ARHGAP18: variants seen among roughly 807,000 people sequenced by gnomAD.
The protein encoded by ARHGAP18 is rho GTPase-activating protein 18.
A neutral mutation model predicts 86.2 loss-of-function variants in ARHGAP18; 67 were observed. That is an observed-to-expected ratio of 0.78 (90% confidence interval 0.64 to 0.95). ARHGAP18 has a LOEUF of 0.95. ARHGAP18 is among the 40% of genes least tolerant of loss of function. ARHGAP18 has a pLI of 0.00. For synonymous variants in ARHGAP18, 283 were observed against 280.4 expected, an observed-to-expected ratio of 1.01 and a Z score of -0.09; for missense variants, 691 against 780.4, an observed-to-expected ratio of 0.89 and a Z score of 1.37.
chr6:129,691,846 A>C (rs1398122038), intron 1 of ARHGAP18, among the ~76,000 whole-genome samples: 1 of 152,138 alleles, frequency 6.6e-6, no homozygotes, highest in Non-Finnish European at 1.5e-5. Flanking sequence ...GTGCTCCAGG[A>C]AGTGCTATGT....
chr6:129,676,761 C>T (rs903896250), intron 1 of ARHGAP18, among the ~76,000 whole-genome samples: 1 of 152,042 alleles, frequency 6.6e-6, no homozygotes, highest in African/African-American at 2.4e-5. Flanking sequence ...ACCGCTCCAA[C>T]CTGCATTTCC....
intron 1 of ARHGAP18, among the ~76,000 whole-genome samples, chr6:129,661,116 T>C (rs1429049611): frequency 2.0e-5 from 3 of 151,040 alleles, no homozygotes; most frequent in Non-Finnish European, 4.4e-5. Flanking sequence ...CTCGTATTAA[T>C]GTTCCTTAAT....
At chr6:129,668,014 T>C (rs1774073507) in intron 1 of ARHGAP18, among the ~76,000 whole-genome samples, 1 of 152,200 alleles carries the variant, frequency 6.6e-6, no homozygotes, top group African/African-American at 2.4e-5. Context: ...AGTTTCCAAC[T>C]CTTTCTCCCT....
At chr6:129,665,525 G>C (rs763370106) in intron 1 of ARHGAP18, among the ~76,000 whole-genome samples, 1 of 152,104 alleles carries the variant, frequency 6.6e-6, no homozygotes, top group Non-Finnish European at 1.5e-5. Context: ...CCTCCAGCCT[G>C]GGCAATAGAG....
intron 1 of ARHGAP18, among the ~76,000 whole-genome samples, chr6:129,649,946 C>T (rs1174259156): frequency 2.8e-5 from 4 of 142,286 alleles, no homozygotes; most frequent in Non-Finnish European, 6.0e-5. Flanking sequence ...GAGTTCCACT[C>T]TTGTTGTCCA....
At chr6:129,661,889 G>C in intron 1 of ARHGAP18, 1 of 985,290 alleles carries the variant, frequency 1.0e-6, no homozygotes, top group Non-Finnish European at 1.2e-6. Context: ...CCCAACAGCT[G>C]TTTAGAGCTG....
In ARHGAP18 at chr6:129,625,117, A is replaced by AGATATAT. The variant is rs1789335461; in HGVS notation, c.786+4229_786+4235dup. On this transcript the variant is annotated intron_variant, in intron 5 of 14. Coordinates refer to ENST00000368149, the MANE Select transcript of ARHGAP18 (RefSeq NM_033515.3). ...ATATGATATATATTATATATTATAT[A>AGATATAT]GATATATATTATATATGATATATAT... Among the ~76,000 whole-genome samples, 2 of 27,980 alleles carry AGATATAT rather than the reference A, an allele frequency of 7.1e-5. 1 individual carries two copies. 18.4% of individuals were successfully genotyped at this position (27,980 alleles called of 152,430 possible).
At chr6:129,658,073 G>A (rs553637083) in intron 1 of ARHGAP18, among the ~76,000 whole-genome samples, 4 of 152,342 alleles carry the variant, frequency 2.6e-5, no homozygotes, top group South Asian at 2.1e-4. Flanking sequence ...ACTACTGGAA[G>A]AGAGAAGGTG....
chr6:129,583,506 G>C (rs929842991), intron 13 of ARHGAP18, among the ~76,000 whole-genome samples: 9 of 152,072 alleles, frequency 5.9e-5, no homozygotes, highest in African/African-American at 2.2e-4. Flanking sequence ...GCGCTCAAAG[G>C]CCTGGTTTTC....
chr6:129,648,723 C>T (rs936786953), intron 1 of ARHGAP18, among the ~76,000 whole-genome samples: 1 of 139,122 alleles, frequency 7.2e-6, no homozygotes, highest in Non-Finnish European at 1.5e-5. Context: ...TTTACATTAT[C>T]TCTATGTTAG....
At chr6:129,625,356 ATTATGTATAT>A (rs1239887478) in intron 5 of ARHGAP18, among the ~76,000 whole-genome samples, 3 of 71,188 alleles carry the variant, frequency 4.2e-5, no homozygotes, top group South Asian at 4.4e-4. Context: ...TGTAATATAT[ATTATGTATAT>A]TTATATATAT....
At chr6:129,676,913 C>CTTTTTTTTTTTTT (rs1562721123) in intron 1 of ARHGAP18, among the ~76,000 whole-genome samples, 2 of 34,588 alleles carry the variant, frequency 5.8e-5, no homozygotes, top group African/African-American at 1.7e-4. Flanking sequence ...ATTTTTTGTC[C>CTTTTTTTTTTTTT]TCTTTTTTTT....
rs979360994 is a variant in ARHGAP18 at position 129,577,326 on chromosome 6, C to T, written c.*1187G>A. The T allele has an allele frequency of 6.6e-6, 1 of 152,050 alleles. No individual in the cohort carries two copies. The highest frequency in any genetic ancestry group is 2.4e-5 in the African/African-American group (1 of 41,416). 9.4% of individuals were successfully genotyped at this position (152,050 alleles called of 1,614,324 possible). The stretch of plus-strand genomic sequence containing the variant: ...GTACTACTAAAAGTATCATGAACAC[C>T]GTTTGTGCAGCATTCATTTACATCA... On this transcript the variant is annotated 3_prime_UTR_variant, in exon 15 of 15. Coordinates refer to ENST00000368149, the MANE Select transcript of ARHGAP18 (RefSeq NM_033515.3).
intron 3 of ARHGAP18, among the ~76,000 whole-genome samples, chr6:129,636,706 G>A (rs1441895665): frequency 6.6e-6 from 1 of 152,174 alleles, no homozygotes; most frequent in East Asian, 1.9e-4. Flanking sequence ...GCGAGACCTT[G>A]TCTCTACTAA....
At chr6:129,589,300 C>T (rs1788464351) in intron 12 of ARHGAP18, among the ~76,000 whole-genome samples, 2 of 152,136 alleles carry the variant, frequency 1.3e-5, no homozygotes, top group South Asian at 4.1e-4. Context: ...TTTCTTCCAC[C>T]AGATACCCTA....
chr6:129,640,618 T>C (rs75703406), intron 2 of ARHGAP18, among the ~76,000 whole-genome samples: 3,982 of 152,292 alleles, frequency 0.026, 178 homozygotes, highest in African/African-American at 0.09. Context: ...AAGTCTTCTT[T>C]TTAAATTAAT....
chr6:129,605,988 C>A (rs762214955), intron 9 of ARHGAP18, 29 bp from the exon 10 acceptor site: 9 of 1,595,896 alleles, frequency 5.6e-6, no homozygotes, highest in South Asian at 1.1e-5. Context: ...AATCTGAACT[C>A]TTTTCTTCAG....
At chr6:129,685,547 A>T (rs1774409301) in intron 1 of ARHGAP18, among the ~76,000 whole-genome samples, 1 of 152,192 alleles carries the variant, frequency 6.6e-6, no homozygotes. Context: ...TCAATATTCA[A>T]ATATAGGATA....
intron 5 of ARHGAP18, among the ~76,000 whole-genome samples, chr6:129,628,828 A>G (rs1584067034): frequency 6.6e-6 from 1 of 152,178 alleles, no homozygotes; most frequent in East Asian, 1.9e-4. Flanking sequence ...GGGAGTGGAA[A>G]AGAGAGAAGC....
Sources: gnomAD v4.1 joint callset for allele counts (sites outside exome capture counted in the v4.1 genomes callset) on GRCh38, gnomAD v4.1.1 for gene constraint, MANE v1.5 for transcripts, NCBI Gene and HGNC (gene_info 2026-07-23, HGNC 2026-07-21) for gene names.